The following NMNAT1 variants were observed in gnomAD, a reference collection of about 807,000 sequenced individuals.
NMNAT1 encodes nicotinamide nucleotide adenylyltransferase 1.
In NMNAT1, 11 loss-of-function variants were observed where a neutral mutation model predicts 16.7. The observed-to-expected ratio is 0.66, with a 90% CI of 0.41 to 1.09. NMNAT1 has a LOEUF of 1.09. Among genes scored for constraint, NMNAT1 ranks in the 50% least tolerant of loss-of-function variants. NMNAT1 has a pLI of 0.00. For synonymous variants in NMNAT1, 110 were observed against 119.8 expected (o/e 0.92, Z 0.53); for missense variants, 280 against 332.3 (o/e 0.84, Z 1.22).
At chr1:9,995,450 T>G in the NMNAT1 span, among the ~76,000 whole-genome samples, 2 of 151,742 alleles carry the variant, frequency 1.3e-5, no homozygotes, top group Non-Finnish European at 2.9e-5. Context: ...TCCAGCACTT[T>G]GGGAAGCTTA....
intron 1 of NMNAT1, 86 bp from the exon 2 acceptor site, chr1:9,971,932 T>C: frequency 1.6e-6 from 1 of 633,624 alleles, no homozygotes; most frequent in African/African-American, 1.8e-5. Context: ...GTTGCATCAC[T>C]ACACTCTAGC....
intron 1 of NMNAT1, among the ~76,000 whole-genome samples, chr1:9,960,168 C>G (rs1641369625): frequency 6.6e-6 from 1 of 152,106 alleles, no homozygotes. Context: ...GCTTGTAGTA[C>G]TAGCTACTTG....
chr1:9,968,135 G>A (rs1350393240), intron 1 of NMNAT1, among the ~76,000 whole-genome samples: 2 of 128,726 alleles, frequency 1.6e-5, no homozygotes, highest in Non-Finnish European at 3.2e-5. Flanking sequence ...GCAGTGGCAC[G>A]ATCTTGGCTT....
intron 1 of NMNAT1, among the ~76,000 whole-genome samples, chr1:9,962,903 G>A (rs1179840335): frequency 1.3e-5 from 2 of 151,926 alleles, no homozygotes; most frequent in Non-Finnish European, 2.9e-5. Flanking sequence ...GGATGGTCTC[G>A]ATCTCCTGAC....
downstream of NMNAT1, among the ~76,000 whole-genome samples, chr1:9,989,991 C>T (rs1446541892): frequency 6.6e-6 from 1 of 152,238 alleles, no homozygotes; most frequent in East Asian, 1.9e-4. Context: ...CTCCGCCTCC[C>T]ATAAGGGGTG....
chr1:9,952,531 CTTTG>C (rs1641140136), intron 1 of NMNAT1: 1 of 151,826 alleles, frequency 6.6e-6, no homozygotes, highest in Non-Finnish European at 1.5e-5. Context: ...GAAACATATT[CTTTG>C]TTTTTTTGTT....
chr1:9,950,436 T>TA (rs1187559944), intron 1 of NMNAT1: 1 of 152,250 alleles, frequency 6.6e-6, no homozygotes, highest in African/African-American at 2.4e-5. Flanking sequence ...TGCTTCCTGT[T>TA]ATTGGCCCTG....
At chr1:9,982,256 G>A (rs776298244) in intron 4 of NMNAT1, 45 bp from the exon 5 acceptor site, 1 of 1,552,896 alleles carries the variant, frequency 6.4e-7, no homozygotes, top group Admixed American at 2.0e-5. Context: ...AGGAGGTAGA[G>A]GGGAAGAAAA....
At chr1:9,970,716 A>G (rs1281368050) in intron 1 of NMNAT1, among the ~76,000 whole-genome samples, 3 of 152,054 alleles carry the variant, frequency 2.0e-5, no homozygotes, top group Admixed American at 2.0e-4. Flanking sequence ...AATTTTAATA[A>G]AAACCTAAAA....
rs1391227009 is a variant in NMNAT1 at position 9,975,787 on chromosome 1, G to A, written c.299+12G>A. ...CTGAAGGTGCTAAGGTATTTATGGT[G>A]TAATCAACTTTGTCAGTTCTGTGTA... On this transcript the variant is annotated intron_variant, in intron 3 of 4. Coordinates refer to ENST00000377205, the MANE Select transcript of NMNAT1 (RefSeq NM_022787.4). 1.3e-6 allele frequency: 2 copies of A among 1,598,918 alleles called. No homozygotes were observed. The highest frequency in any genetic ancestry group is 2.2e-5 in the East Asian group (1 of 44,718).
Position 9,962,257 on chromosome 1 carries a change from C to T in NMNAT1, c.-56-9761C>T, listed in dbSNP as rs774881715. ...CAGCACTTTTGGAGGCTGAGGCAGG[C>T]GGATCACGAGGTCAGGAGATTGAGA... On this transcript the variant is annotated intron_variant, in intron 1 of 4. Coordinates refer to ENST00000377205, the MANE Select transcript of NMNAT1 (RefSeq NM_022787.4). 8.0e-4 allele frequency among the ~76,000 whole-genome samples: 122 copies of T among 151,618 alleles called. 1 individual carries two copies. Among genetic ancestry groups the T allele is most frequent in the Admixed American group, 1.1e-3 (17 of 15,212 alleles).
chr1:9,963,307 A>T (rs1209837567), intron 1 of NMNAT1, among the ~76,000 whole-genome samples: 1 of 152,286 alleles, frequency 6.6e-6, no homozygotes, highest in East Asian at 1.9e-4. Context: ...TGGGCTACAA[A>T]TGAACAGTCT....
intron 1 of NMNAT1, among the ~76,000 whole-genome samples, chr1:9,961,988 G>A (rs1043390019): frequency 1.3e-5 from 2 of 151,498 alleles, no homozygotes; most frequent in Admixed American, 1.3e-4. Context: ...GGCTAGTCTC[G>A]AACTCCCAAC....
intron 1 of NMNAT1, among the ~76,000 whole-genome samples, chr1:9,962,920 A>T (rs996824565): frequency 1.3e-5 from 2 of 152,036 alleles, no homozygotes; most frequent in African/African-American, 4.8e-5. Context: ...TGACCTCGTG[A>T]TCCGCCCGTC....
chr1:9,957,269 TC>T (rs1457488948), intron 1 of NMNAT1, among the ~76,000 whole-genome samples: 1 of 152,172 alleles, frequency 6.6e-6, no homozygotes, highest in Non-Finnish European at 1.5e-5. Context: ...CCTCAGGTGA[TC>T]CGCCCACCTC....
intron 2 of NMNAT1, among the ~76,000 whole-genome samples, chr1:9,975,280 C>T (rs966832849): frequency 6.6e-5 from 10 of 152,070 alleles, no homozygotes; most frequent in Admixed American, 3.9e-4. Context: ...GCAGGCAGAT[C>T]ACTTGAGGTC....
chr1:9,945,148 C>T (rs1028525804), intron 1 of NMNAT1, among the ~76,000 whole-genome samples: 9 of 152,080 alleles, frequency 5.9e-5, no homozygotes, highest in Non-Finnish European at 8.8e-5. Flanking sequence ...GCATGAGAAT[C>T]GCTTGAACTC....
intron 1 of NMNAT1, among the ~76,000 whole-genome samples, chr1:9,956,420 CTTTTTTTTT>C (rs758331917): frequency 8.5e-6 from 1 of 117,570 alleles, no homozygotes; most frequent in African/African-American, 3.4e-5. Context: ...ATTGGTCTAC[CTTTTTTTTT>C]TTTTTTTTTT....
intron 1 of NMNAT1, among the ~76,000 whole-genome samples, chr1:9,968,274 A>G (rs563529698): frequency 2.0e-5 from 3 of 151,054 alleles, no homozygotes; most frequent in African/African-American, 7.3e-5. Flanking sequence ...GGGTTTCACC[A>G]TGTTAGCCAG....
Sources: allele counts gnomAD v4.1 joint callset (sites outside exome capture counted in the v4.1 genomes callset), GRCh38; gene constraint gnomAD v4.1.1; transcripts MANE v1.5; gene names NCBI Gene and HGNC (gene_info 2026-07-23, HGNC 2026-07-21).